SLC24A2: variants seen among roughly 807,000 people sequenced by gnomAD.
The protein encoded by SLC24A2 is sodium/potassium/calcium exchanger 2.
A neutral mutation model predicts 62.0 loss-of-function variants in SLC24A2; 36 were observed. The ratio of observed to expected loss-of-function variants is 0.58; its 90% CI spans 0.44 to 0.77. SLC24A2 has a LOEUF of 0.77. Ranked by LOEUF, SLC24A2 falls within the 30% of genes least tolerant of loss-of-function variation. The probability of loss-of-function intolerance (pLI) is 0.00; values close to 1 mark genes in which losing one functional copy is unlikely to be tolerated. For missense variants in SLC24A2, 846 were observed against 817.9 expected (o/e 1.03, Z -0.42); for synonymous variants, 358 against 294.0 (o/e 1.22, Z -2.23).
At chr9:19,695,829 A>G (rs1253079816) in intron 2 of SLC24A2, among the ~76,000 whole-genome samples, 1 of 152,184 alleles carries the variant, frequency 6.6e-6, no homozygotes, top group Non-Finnish European at 1.5e-5. Context: ...ATACAGATAC[A>G]CTTCATAAAT....
chr9:19,997,547 G>A, the SLC24A2 span, among the ~76,000 whole-genome samples: 14 of 152,142 alleles, frequency 9.2e-5, no homozygotes, highest in African/African-American at 3.1e-4. Context: ...CTCTCAGCAA[G>A]TGTCAGACTC....
the SLC24A2 span, among the ~76,000 whole-genome samples, chr9:20,163,885 G>A: frequency 6.6e-6 from 1 of 152,274 alleles, no homozygotes; most frequent in South Asian, 2.1e-4. Context: ...ATGGGGAAAG[G>A]ATTCCCTATT....
At chr9:19,755,269 T>C (rs1822106670) in intron 2 of SLC24A2, among the ~76,000 whole-genome samples, 1 of 152,194 alleles carries the variant, frequency 6.6e-6, no homozygotes, top group African/African-American at 2.4e-5. Flanking sequence ...CAATACATGT[T>C]AGTTTTTTCT....
chr9:20,139,991 T>G, the SLC24A2 span, among the ~76,000 whole-genome samples: 1 of 152,178 alleles, frequency 6.6e-6, no homozygotes, highest in Non-Finnish European at 1.5e-5. Context: ...CCCTTCCAGG[T>G]GCCCGGGGAC....
chr9:19,738,207 C>T (rs1821566449), intron 2 of SLC24A2, among the ~76,000 whole-genome samples: 1 of 152,166 alleles, frequency 6.6e-6, no homozygotes, highest in Non-Finnish European at 1.5e-5. Context: ...TCTGTCACTA[C>T]AGTCTTCTTT....
chr9:19,617,777 A>C lies in SLC24A2; in HGVS notation c.1078+1807T>G, dbSNP rs1817807292. Among the ~76,000 whole-genome samples, 3 of 152,210 alleles carry C rather than the reference A, an allele frequency of 2.0e-5. No homozygotes were observed. In the South Asian group the frequency reaches 6.2e-4, roughly 32 times the overall value. ...GCAAGGATTTCACAATTTTCCTAAG[A>C]GCCCTGGGAAGCCACTGAATGTTAT... On this transcript the variant is annotated intron_variant, in intron 4 of 10. Transcript: ENST00000341998.
intron 7 of SLC24A2, among the ~76,000 whole-genome samples, chr9:19,563,029 C>A (rs926316726): frequency 1.8e-4 from 28 of 152,076 alleles, no homozygotes; most frequent in South Asian, 2.1e-4. Flanking sequence ...TCACTCAAGC[C>A]CAGAAGTTGG....
At chr9:19,962,523 T>A in the SLC24A2 span, among the ~76,000 whole-genome samples, 1,008 of 152,336 alleles carry the variant, frequency 6.6e-3, 38 homozygotes, top group Admixed American at 0.06. Context: ...TTTGTTTGTA[T>A]CCTCTTTTAT....
the SLC24A2 span, among the ~76,000 whole-genome samples, chr9:20,257,236 A>G: frequency 1.3e-5 from 2 of 152,216 alleles, no homozygotes; most frequent in Non-Finnish European, 2.9e-5. Flanking sequence ...GCAATTAGTG[A>G]TAAATACATC....
chr9:20,017,591 G>A, the SLC24A2 span, among the ~76,000 whole-genome samples: 1 of 152,146 alleles, frequency 6.6e-6, no homozygotes, highest in South Asian at 2.1e-4. Context: ...TCTGCAAGCT[G>A]AGGAGCAAGG....
intron 2 of SLC24A2, among the ~76,000 whole-genome samples, chr9:19,755,253 G>C (rs987222471): frequency 1.8e-4 from 27 of 152,082 alleles, no homozygotes; most frequent in African/African-American, 5.1e-4. Flanking sequence ...GTCCCTAGTA[G>C]GAATTCAATA....
intron 9 of SLC24A2, among the ~76,000 whole-genome samples, chr9:19,527,314 C>T (rs1563933551): frequency 6.6e-6 from 1 of 152,138 alleles, no homozygotes; most frequent in African/African-American, 2.4e-5. Flanking sequence ...TTTGGGTAAT[C>T]TTACCAACTT....
chr9:20,233,371 G>C, the SLC24A2 span, among the ~76,000 whole-genome samples: 2 of 152,122 alleles, frequency 1.3e-5, no homozygotes, highest in African/African-American at 2.4e-5. Flanking sequence ...AAGTCTCTTT[G>C]TAGGTCACTC....
At chr9:20,160,254 T>C in the SLC24A2 span, among the ~76,000 whole-genome samples, 9 of 151,584 alleles carry the variant, frequency 5.9e-5, no homozygotes, top group South Asian at 1.7e-3. Flanking sequence ...CAGTTATAAA[T>C]ACCTGTGTCC....
the SLC24A2 span, among the ~76,000 whole-genome samples, chr9:19,907,537 G>A: frequency 6.6e-6 from 1 of 152,280 alleles, no homozygotes; most frequent in South Asian, 2.1e-4. Context: ...AAGTCAAATT[G>A]TCCCTGTTTG....
the SLC24A2 span, among the ~76,000 whole-genome samples, chr9:20,085,473 G>A: frequency 1.3e-5 from 2 of 152,204 alleles, no homozygotes; most frequent in Non-Finnish European, 2.9e-5. Context: ...AAATAGAAAT[G>A]TTCTCAATTG....
At chr9:20,142,026 T>C in the SLC24A2 span, among the ~76,000 whole-genome samples, 1 of 152,104 alleles carries the variant, frequency 6.6e-6, no homozygotes. Context: ...GAGGTTGCAG[T>C]GGGCCAAAAT....
At chr9:19,871,297 G>A in the SLC24A2 span, among the ~76,000 whole-genome samples, 8 of 151,884 alleles carry the variant, frequency 5.3e-5, no homozygotes, top group South Asian at 2.1e-4. Context: ...AGATTTTTTC[G>A]TCTTTCAATA....
At chr9:20,126,978 T>C in the SLC24A2 span, among the ~76,000 whole-genome samples, 44 of 152,302 alleles carry the variant, frequency 2.9e-4, no homozygotes, top group South Asian at 6.2e-4. Flanking sequence ...ACAGCTTTCA[T>C]GGATTTGTCA....
Sources: gnomAD v4.1 joint callset for allele counts (sites outside exome capture counted in the v4.1 genomes callset) on GRCh38, gnomAD v4.1.1 for gene constraint, MANE v1.5 for transcripts, NCBI Gene and HGNC (gene_info 2026-07-23, HGNC 2026-07-21) for gene names.